Variants in NEB observed in about 807,000 individuals in gnomAD.
NEB encodes the protein nemaline myopathy type 2.
A neutral mutation model predicts 952.2 loss-of-function variants in NEB; 512 were observed. The ratio of observed to expected loss-of-function variants is 0.54; its 90% CI spans 0.50 to 0.58. The LOEUF is 0.58. NEB is among the 20% of genes least tolerant of loss of function. The pLI, the probability that NEB is intolerant of heterozygous loss-of-function variation, is 0.00. For missense variants in NEB, 8,428 were observed against 9,231.1 expected, an observed-to-expected ratio of 0.91 and a Z score of 3.56; for synonymous variants, 2,900 against 3,149.8, an observed-to-expected ratio of 0.92 and a Z score of 2.66.
At position 151,568,706 on chromosome 2, in the gene NEB, C is replaced by A. The variant is rs776552937; in HGVS notation, c.17546G>T (p.Arg5849Leu). 7 of 1,594,268 alleles carry A rather than the reference C, an allele frequency of 4.4e-6. No individual in the cohort carries two copies. Among genetic ancestry groups the A allele is most frequent in the Non-Finnish European group, 6.0e-6 (7 of 1,169,274 alleles). Residue 5849 changes from arginine to leucine, a missense_variant, in exon 111 of 182, where the codon CGC becomes CTC. This residue lies in a region of NEB where 3,374 missense variants were observed against 3,651.5 expected (regional missense o/e 0.92). Transcript: ENST00000397345. ...AADIFSEKKY[R>L]TKIETLNFTP... ...AAAGTTGAGAGTTTCTATTTTTGTGCGATATTTTTTCTATGGGAAAGAAAG... is the reference window on the plus strand; with the variant it reads ...AAAGTTGAGAGTTTCTATTTTTGTGAGATATTTTTTCTATGGGAAAGAAAG...
Position 151,569,312 on chromosome 2 carries a change from C to A in NEB, c.17491G>T (p.Val5831Leu), listed in dbSNP as rs772168965. The A allele has an allele frequency of 2.4e-5, 38 of 1,613,788 alleles. No homozygotes were observed. The highest frequency in any genetic ancestry group is 2.3e-4 in the South Asian group (21 of 91,074). The change falls in exon 110 of 182, where the codon GTG becomes TTG. Residue 5831 changes from valine to leucine, a missense_variant. Val to Leu is a conservative substitution (Grantham distance 32, BLOSUM62 1). Around this residue, in one of 11 missense-constraint regions of NEB, gnomAD observed 3,374 missense variants for 3,651.5 expected, o/e 0.92. Coordinates refer to ENST00000397345, the MANE Select transcript of NEB (RefSeq NM_001164508.2). ...RGIGWMPNDSVSVNHAKHAAD... is the reference protein window; with the variant it reads ...RGIGWMPNDSLSVNHAKHAAD... ...GCATGTTTGGCATGATTGACGGACACGGAGTCATTTGGCATCCACCCAATT... is the reference window on the plus strand; with the variant it reads ...GCATGTTTGGCATGATTGACGGACAAGGAGTCATTTGGCATCCACCCAATT...
At chr2:151,573,318 T>C (rs957863767) in intron 107 of NEB, among the ~76,000 whole-genome samples, 1 of 152,204 alleles carries the variant, frequency 6.6e-6, no homozygotes, top group Non-Finnish European at 1.5e-5. Flanking sequence ...ATAATATCAA[T>C]GGTAAGGTTC....
chr2:151,646,004 T>G (rs550913954), intron 55 of NEB, 126 bp downstream of exon 55: 2 of 699,558 alleles, frequency 2.9e-6, no homozygotes, highest in East Asian at 2.7e-5. Flanking sequence ...AAATAAGGAA[T>G]CTAAGTCATA....
At chr2:151,697,124 T>G in intron 16 of NEB, 24 bp downstream of exon 16, 1 of 1,558,422 alleles carries the variant, frequency 6.4e-7, no homozygotes, top group East Asian at 2.2e-5. Context: ...GCAGTCACAT[T>G]CAAAGTTCAG....
intron 138 of NEB, among the ~76,000 whole-genome samples, chr2:151,539,918 A>G (rs942831574): frequency 6.6e-6 from 1 of 152,206 alleles, no homozygotes; most frequent in Non-Finnish European, 1.5e-5. Context: ...AATTATCACA[A>G]TTCTCATTAT....
In NEB at chr2:151,485,642, C is replaced by G; in HGVS notation, c.*118G>C. ...GAAAGGATGGTACTACCATAAATCA[C>G]ATTGACACAGAAAAACCATAGGCAG... On this transcript the variant is annotated 3_prime_UTR_variant, in exon 182 of 182. Coordinates refer to ENST00000397345, the MANE Select transcript of NEB (RefSeq NM_001164508.2). 1.0e-6 allele frequency: 1 copy of G among 985,338 alleles called. No individual in the cohort carries two copies. Among genetic ancestry groups the G allele is most frequent in the Non-Finnish European group, 1.5e-6 (1 of 680,702 alleles). 61.0% of individuals were successfully genotyped at this position (985,338 alleles called of 1,614,324 possible). A position where few individuals can be genotyped will look rare whatever the true frequency, so the allele number is the denominator to read the frequency against.
In NEB at chr2:151,687,667, G is replaced by A. The variant is rs1354346825; in HGVS notation, c.2482C>T (p.Pro828Ser). 6.2e-7 allele frequency: 1 copy of A among 1,609,938 alleles called. No individual in the cohort carries two copies. The highest frequency in any genetic ancestry group is 1.1e-5 in the South Asian group (1 of 90,674). The change falls in exon 26 of 182, where the codon CCC (proline) becomes TCC (serine). Residue 828 changes from proline to serine, a missense_variant. Transcript: ENST00000397345. Reference sequence around the variant, plus strand: ...GTGTTGGCTTTGGCTGCCAACAGGGGAATGGCGTCCACTTTAATGTCAAAC... The same window carrying A: ...GTGTTGGCTTTGGCTGCCAACAGGGAAATGGCGTCCACTTTAATGTCAAAC... ...KKFDIKVDAI[P>S]LLAAKANTKN...
At chr2:151,635,054 C>T (rs1468479739) in intron 64 of NEB, among the ~76,000 whole-genome samples, 2 of 152,158 alleles carry the variant, frequency 1.3e-5, no homozygotes, top group Non-Finnish European at 2.9e-5. Context: ...AGAGTCCCAA[C>T]TCCCCCACTC....
Position 151,672,441 on chromosome 2 carries a change from C to T in NEB, c.4227G>A (p.Leu1409=), listed in dbSNP as rs1414666715. Residue 1409 remains leucine, a synonymous_variant, in exon 37 of 182, where the codon TTG becomes TTA. Transcript: ENST00000397345. ...VATNVNYKQP[L]HHYTYLPDAM... is the part of the protein sequence containing the mutation. Reference sequence around the variant, plus strand: ...CGTCAGGTAGGTATGTGTAATGATGCAATGGCTGTTTGTAGTTGACATTGG... The same window carrying T: ...CGTCAGGTAGGTATGTGTAATGATGTAATGGCTGTTTGTAGTTGACATTGG... The T allele has an allele frequency of 1.2e-6, 2 of 1,613,886 alleles. No individual in the cohort carries two copies. Among genetic ancestry groups the T allele is most frequent in the African/African-American group, 1.3e-5 (1 of 74,930 alleles).
Position 151,552,736 on chromosome 2 carries a change from T to C in NEB, c.19772A>G (p.Tyr6591Cys). Reference sequence around the variant, plus strand: ...GACTGGTGTATCTGTGACAAGCTTGTAGTCATTCCTTGTTTTCAACATGTG... The same window carrying C: ...GACTGGTGTATCTGTGACAAGCTTGCAGTCATTCCTTGTTTTCAACATGTG... ...KAHMLKTRND[Y>C]KLVTDTPVYV... The change falls in exon 128 of 182, where the codon TAC becomes TGC. Residue 6591 changes from tyrosine (Y) to cysteine (C), a missense_variant. Around this residue, in one of 11 missense-constraint regions of NEB, gnomAD observed 3,374 missense variants for 3,651.5 expected, o/e 0.92. Coordinates refer to ENST00000397345, the MANE Select transcript of NEB (RefSeq NM_001164508.2). The C allele has an allele frequency of 6.2e-7, 1 of 1,613,358 alleles. No individual in the cohort carries two copies. Among genetic ancestry groups the C allele is most frequent in the Non-Finnish European group, 8.5e-7 (1 of 1,179,558 alleles).
chr2:151,633,550 G>T, intron 65 of NEB, 104 bp downstream of exon 65: 1 of 1,403,474 alleles, frequency 7.1e-7, no homozygotes, highest in Non-Finnish European at 9.5e-7. Context: ...CTTATTCATG[G>T]ACCAATCAAT....
chr2:151,672,598 T>C lies in NEB; in HGVS notation c.4070A>G (p.His1357Arg). Residue 1357 changes from histidine (H) to arginine (R), a missense_variant, in exon 37 of 182, where the codon CAC becomes CGC. By Grantham distance (29) the His-to-Arg change is conservative (BLOSUM62 0). This residue lies in a region of NEB where 2,851 missense variants were observed against 2,791.5 expected (regional missense o/e 1.02). Transcript: ENST00000397345. The part of the protein sequence containing the change: ...RSLQDDPKLV[H>R]YMNVAKLQSD... The stretch of plus-strand genomic sequence containing the variant: ...CTGCAGCTTTGCCACATTCATATAG[T>C]GGACCAGCTTGGGATCATCCTGGAG... 6.2e-7 allele frequency: 1 copy of C among 1,614,014 alleles called. No individual in the cohort carries two copies. Among genetic ancestry groups the C allele is most frequent in the South Asian group, 1.1e-5 (1 of 91,086 alleles).
rs376503299 is a variant in NEB, at chr2:151,691,920, G to T, written c.2155C>A (p.Pro719Thr). 2 of 1,608,138 alleles carry T rather than the reference G, an allele frequency of 1.2e-6. No individual in the cohort carries two copies. The highest frequency in any genetic ancestry group is 2.7e-5 in the African/African-American group (2 of 74,858). ...TCATATTCTTGTGTTATTGTCTGAGGGAAATAGCATTTTCCTTTATCTTCT... is the reference window on the plus strand; with the variant it reads ...TCATATTCTTGTGTTATTGTCTGAGTGAAATAGCATTTTCCTTTATCTTCT... ...YEEDKGKCYFPQTITQEYEAI... is the reference protein window; with the variant it reads ...YEEDKGKCYFTQTITQEYEAI... Residue 719 changes from proline to threonine, a missense_variant, in exon 23 of 182, where the codon CCT becomes ACT. Pro to Thr is a conservative substitution (Grantham distance 38). This residue lies in a region of NEB where 2,851 missense variants were observed against 2,791.5 expected (regional missense o/e 1.02). Transcript: ENST00000397345.
chr2:151,654,384 C>T (rs1168506317), intron 51 of NEB, among the ~76,000 whole-genome samples: 2 of 152,164 alleles, frequency 1.3e-5, no homozygotes, highest in Non-Finnish European at 1.5e-5. Context: ...AGGCATATCA[C>T]GTATCTTTCT....
rs1466435746 is a variant in NEB at position 151,695,620 on chromosome 2, A to G, written c.1632T>C (p.Pro544=). 3.7e-6 allele frequency: 6 copies of G among 1,613,998 alleles called. No homozygotes were observed. In the South Asian group the frequency reaches 6.6e-5, roughly 18 times the overall value. ...KFKCHIPPDT[P]AFIQHKVNAY... is the part of the protein sequence containing the mutation. ...CATTGACTTTGTGCTGGATAAAAGC[A>G]GGAGTATCAGGGGGGATATGGCACT... Residue 544 remains proline, a synonymous_variant, in exon 18 of 182, where the codon CCT becomes CCC. Coordinates refer to ENST00000397345, the MANE Select transcript of NEB (RefSeq NM_001164508.2).
At chr2:151,665,265 C>CAG (rs2099200521) in intron 42 of NEB, 68 bp downstream of exon 42, 2 of 1,426,864 alleles carry the variant, frequency 1.4e-6, no homozygotes, top group Admixed American at 3.6e-5. Flanking sequence ...ACGATTGGGG[C>CAG]ACTGCCAGGC....
intron 20 of NEB, among the ~76,000 whole-genome samples, 166 bp downstream of exon 20, chr2:151,694,157 A>G (rs2099578797): frequency 6.6e-6 from 1 of 152,248 alleles, no homozygotes; most frequent in East Asian, 1.9e-4. Flanking sequence ...AGGCATCAAC[A>G]AGAATAAGGA....
chr2:151,493,392 C>G lies in NEB; in HGVS notation c.24726G>C (p.Glu8242Asp), dbSNP rs749320722. 6 of 1,612,008 alleles carry G rather than the reference C, an allele frequency of 3.7e-6. No individual in the cohort carries two copies. Among genetic ancestry groups the G allele is most frequent in the Non-Finnish European group, 5.1e-6 (6 of 1,179,284 alleles). ...CTTGGTTGCGCTTAGCTCTCTCCAT[C>G]TCTGGAGTAACAGGTGTCGGAGTTG... is the stretch of plus-strand genomic sequence containing the variant. ...RKATPTPVTPEMERAKRNQEN... is the reference protein window; with the variant it reads ...RKATPTPVTPDMERAKRNQEN... Residue 8242 changes from glutamate to aspartate, a missense_variant, in exon 176 of 182, where the codon GAG becomes GAC. Glu to Asp is a conservative substitution (Grantham distance 45). Coordinates refer to ENST00000397345, the MANE Select transcript of NEB (RefSeq NM_001164508.2).
chr2:151,512,613 G>C, intron 161 of NEB, 120 bp downstream of exon 161: 1 of 797,220 alleles, frequency 1.3e-6, no homozygotes, highest in South Asian at 1.6e-5. Flanking sequence ...TGCACCTGGT[G>C]AATCTCTTTT....
Sources: allele counts gnomAD v4.1 joint callset (sites outside exome capture counted in the v4.1 genomes callset), GRCh38; gene constraint gnomAD v4.1.1; regional missense constraint gnomAD v4.1.1; transcripts MANE v1.5; gene names NCBI Gene and HGNC (gene_info 2026-07-23, HGNC 2026-07-21).